The following RFX3 variants were observed in gnomAD, a reference collection of about 807,000 sequenced individuals.
RFX3 encodes the protein transcription factor RFX3.
RFX3 carries 14 observed loss-of-function variants against 98.6 expected under a neutral mutation model. The observed-to-expected ratio is 0.14, with a 90% CI of 0.09 to 0.22. The LOEUF (loss-of-function observed/expected upper bound fraction) is 0.22. Among genes scored for constraint, RFX3 ranks in the 10% least tolerant of loss-of-function variants. The probability of loss-of-function intolerance (pLI) is 1.00; values close to 1 mark genes in which losing one functional copy is unlikely to be tolerated. For missense variants in RFX3, 639 were observed against 926.9 expected (o/e 0.69, Z 4.03); for synonymous variants, 383 against 328.4 (o/e 1.17, Z -1.80).
chr9:3,299,767 A>C (rs1828425973), intron 5 of RFX3, among the ~76,000 whole-genome samples: 1 of 151,952 alleles, frequency 6.6e-6, no homozygotes, highest in East Asian at 1.9e-4. Flanking sequence ...AAAAATCTCT[A>C]ACAGTTGAAA....
intron 1 of RFX3, among the ~76,000 whole-genome samples, chr9:3,430,348 G>C (rs1282429225): frequency 2.6e-5 from 4 of 152,108 alleles, no homozygotes; most frequent in Non-Finnish European, 5.9e-5. Flanking sequence ...ATAGATCCCA[G>C]TTAGTTCCAG....
intron 1 of RFX3, among the ~76,000 whole-genome samples, chr9:3,465,531 C>T (rs548933708): frequency 1.5e-4 from 22 of 150,784 alleles, no homozygotes; most frequent in African/African-American, 4.9e-4. Flanking sequence ...CTTGAACTCC[C>T]GACCTTAGGT....
At chr9:3,315,298 A>G (rs901750534) in intron 4 of RFX3, among the ~76,000 whole-genome samples, 3 of 152,218 alleles carry the variant, frequency 2.0e-5, no homozygotes, top group African/African-American at 7.2e-5. Context: ...AAATGAAGGC[A>G]GAAATAAAGG....
chr9:3,359,012 G>A (rs763342901), intron 2 of RFX3, among the ~76,000 whole-genome samples: 8 of 151,742 alleles, frequency 5.3e-5, no homozygotes. Flanking sequence ...TTCAAGGTGA[G>A]ATTTGAGTAG....
In RFX3 at chr9:3,372,166, T is replaced by C. The variant is rs557353688; in HGVS notation, c.117+23306A>G. 7.9e-5 allele frequency among the ~76,000 whole-genome samples: 12 copies of C among 152,286 alleles called. No homozygotes were observed. In the East Asian group the frequency reaches 2.1e-3, roughly 27 times the overall value. ...ATACCTTCTTTGCCTACCATCACAT[T>C]AGCTAGCAATACCAGGAAATTAACC... On this transcript the variant is annotated intron_variant, in intron 2 of 16. Coordinates refer to ENST00000617270, the MANE Select transcript of RFX3 (RefSeq NM_001282116.2).
At chr9:3,393,722 A>G (rs1425360129) in intron 2 of RFX3, among the ~76,000 whole-genome samples, 1 of 147,206 alleles carries the variant, frequency 6.8e-6, no homozygotes, top group Non-Finnish European at 1.5e-5. Flanking sequence ...TTTAATGGTT[A>G]AAAAATATAT....
chr9:3,245,712 G>A (rs1820570592), intron 15 of RFX3, among the ~76,000 whole-genome samples: 1 of 152,144 alleles, frequency 6.6e-6, no homozygotes, highest in South Asian at 2.1e-4. Context: ...TATATAATAT[G>A]CTCTCAGTAA....
chr9:3,476,505 T>A (rs1199652663), intron 1 of RFX3, among the ~76,000 whole-genome samples: 1 of 152,092 alleles, frequency 6.6e-6, no homozygotes, highest in Non-Finnish European at 1.5e-5. Context: ...CAATCACCAT[T>A]AAGATGATGC....
intron 5 of RFX3, among the ~76,000 whole-genome samples, chr9:3,300,118 G>A (rs1426844058): frequency 6.6e-6 from 1 of 150,996 alleles, no homozygotes; most frequent in African/African-American, 2.4e-5. Flanking sequence ...GACACACACA[G>A]CCTAGTAGTA....
chr9:3,513,059 TG>T (rs1817800542), intron 1 of RFX3, among the ~76,000 whole-genome samples: 1 of 152,110 alleles, frequency 6.6e-6, no homozygotes, highest in Admixed American at 6.6e-5. Context: ...TAAAACTCAA[TG>T]GAAATCTAAG....
intron 1 of RFX3, among the ~76,000 whole-genome samples, chr9:3,404,418 A>G (rs972592975): frequency 6.6e-6 from 1 of 152,136 alleles, no homozygotes; most frequent in Non-Finnish European, 1.5e-5. Flanking sequence ...AATCAGTAAA[A>G]TTTCAAATAA....
chr9:3,389,870 A>AG (rs921115779), intron 2 of RFX3, among the ~76,000 whole-genome samples: 7 of 152,180 alleles, frequency 4.6e-5, no homozygotes, highest in African/African-American at 1.7e-4. Flanking sequence ...ATTTCAGGTA[A>AG]GTAATATTCG....
At chr9:3,277,574 A>G (rs1438030375) in intron 7 of RFX3, 113 bp from the exon 8 acceptor site, 11 of 858,218 alleles carry the variant, frequency 1.3e-5, no homozygotes, top group Admixed American at 8.3e-5. Flanking sequence ...ACGTCTCATG[A>G]TAGTTGTAGG....
chr9:3,394,876 G>A (rs1840694975), intron 2 of RFX3: 1 of 982,296 alleles, frequency 1.0e-6, no homozygotes, highest in Non-Finnish European at 1.2e-6. Flanking sequence ...CAAGCCAACT[G>A]CCCTGCGTAT....
intron 1 of RFX3, among the ~76,000 whole-genome samples, chr9:3,492,908 C>A (rs1330316827): frequency 6.6e-6 from 1 of 152,104 alleles, no homozygotes; most frequent in Non-Finnish European, 1.5e-5. Context: ...AGTGAGTGAG[C>A]TTTCATTTGT....
In RFX3 at chr9:3,504,812, T is replaced by C. The variant is rs1162916445; in HGVS notation, c.-9+20935A>G. 4.9e-5 allele frequency among the ~76,000 whole-genome samples: 3 copies of C among 61,690 alleles called. No homozygotes were observed. The South Asian group carries it at 1.1e-3, about 22-fold the overall frequency. The allele number at this position is 61,690 out of a possible 152,430, so 40.5% of individuals were successfully genotyped here. On this transcript the variant is annotated intron_variant, in intron 1 of 16. Transcript: ENST00000617270. ...AATATATATTATATTATATATAAAATATATATTATATATAAAATATGTATA... is the reference window on the plus strand; with the variant it reads ...AATATATATTATATTATATATAAAACATATATTATATATAAAATATGTATA...
intron 7 of RFX3, among the ~76,000 whole-genome samples, chr9:3,284,360 T>A (rs1826299789): frequency 2.0e-5 from 3 of 151,896 alleles, no homozygotes; most frequent in South Asian, 2.1e-4. Context: ...CTAACTTACT[T>A]ATTATCTAAA....
chr9:3,324,639 T>G (rs1482417272), intron 4 of RFX3, among the ~76,000 whole-genome samples: 3 of 151,246 alleles, frequency 2.0e-5, no homozygotes, highest in Non-Finnish European at 4.4e-5. Context: ...TGCTTGAATA[T>G]TCTGCTAGAA....
intron 11 of RFX3, among the ~76,000 whole-genome samples, chr9:3,267,339 T>C (rs682206): frequency 0.96 from 145,642 of 151,850 alleles, 70,145 homozygotes; most frequent in Middle Eastern, 1. Context: ...AGTTATATTT[T>C]GGGCCGAGGT....
Sources: gnomAD v4.1 joint callset for allele counts (sites outside exome capture counted in the v4.1 genomes callset) on GRCh38, gnomAD v4.1.1 for gene constraint, MANE v1.5 for transcripts, NCBI Gene and HGNC (gene_info 2026-07-23, HGNC 2026-07-21) for gene names.